The following ASAH1 variants were observed in gnomAD, a reference collection of about 807,000 sequenced individuals.
ASAH1 encodes N-acylsphingosine amidohydrolase 1.
A neutral mutation model predicts 59.5 loss-of-function variants in ASAH1; 70 were observed. The ratio of observed to expected loss-of-function variants is 1.18; its 90% CI spans 0.97 to 1.43. The LOEUF is 1.43. Among genes scored for constraint, ASAH1 ranks in the 40% most tolerant of loss-of-function variants. The pLI, the probability that ASAH1 is intolerant of heterozygous loss-of-function variation, is 0.00. For missense variants in ASAH1, 660 were observed against 482.5 expected, an observed-to-expected ratio of 1.37 and a Z score of -3.45; for synonymous variants, 213 against 166.5, an observed-to-expected ratio of 1.28 and a Z score of -2.15.
intron 5 of ASAH1, 76 bp downstream of exon 5, chr8:18,067,144 T>A: frequency 2.5e-6 from 3 of 1,223,776 alleles, no homozygotes; most frequent in Non-Finnish European, 2.3e-6. Context: ...CTGTGCTGTA[T>A]GTATATCACA....
At chr8:18,083,042 C>T (rs1203576726) in intron 1 of ASAH1, 1 of 151,952 alleles carries the variant, frequency 6.6e-6, no homozygotes, top group African/African-American at 2.4e-5. Context: ...AAATCATATC[C>T]CACCATGATT....
intron 4 of ASAH1, among the ~76,000 whole-genome samples, chr8:18,069,221 C>A (rs113007637): frequency 6.6e-6 from 1 of 151,808 alleles, no homozygotes; most frequent in African/African-American, 2.4e-5. Context: ...AATGAGGATC[C>A]CTTTAACAGT....
intron 10 of ASAH1, 88 bp from the exon 11 acceptor site, chr8:18,059,791 C>T: frequency 7.4e-7 from 1 of 1,344,588 alleles, no homozygotes; most frequent in Non-Finnish European, 1.0e-6. Flanking sequence ...ACTTTAAGTT[C>T]TGGGACACAT....
rs1211853952 is a variant in ASAH1, at chr8:18,062,326, C to A, written c.601G>T (p.Ala201Ser). Reference sequence around the variant, plus strand: ...CCCACATAGCCAGCAAAGCTTGAAGCCTTGAAGACAGTTTTGTTGTTTCTT... The same window carrying A: ...CCCACATAGCCAGCAAAGCTTGAAGACTTGAAGACAGTTTTGTTGTTTCTT... ...FQRNNKTVFK[A>S]SSFAGYVGML... Residue 201 changes from alanine to serine, a missense_variant, in exon 8 of 14, where the codon GCT becomes TCT. Transcript: ENST00000637790. The A allele has an allele frequency of 6.2e-7, 1 of 1,614,208 alleles. No homozygotes were observed. Among genetic ancestry groups the A allele is most frequent in the Non-Finnish European group, 8.5e-7 (1 of 1,180,032 alleles).
chr8:18,062,045 G>C lies in ASAH1; in HGVS notation c.648+234C>G, dbSNP rs538488252. 3.2e-5 allele frequency: 20 copies of C among 634,728 alleles called. No individual in the cohort carries two copies. The African/African-American group carries it at 3.7e-4, about 12-fold the overall frequency. 39.3% of individuals were successfully genotyped at this position (634,728 alleles called of 1,614,324 possible). On this transcript the variant is annotated intron_variant, in intron 8 of 13. Coordinates refer to ENST00000637790, the MANE Select transcript of ASAH1 (RefSeq NM_177924.5). ...ACTAGAAATCAGATTGTGACTCCCA[G>C]CCCTTGACACCCAGCCACATGCTCT...
chr8:18,082,123 G>C (rs1161024723), intron 1 of ASAH1, among the ~76,000 whole-genome samples: 1 of 152,132 alleles, frequency 6.6e-6, no homozygotes, highest in East Asian at 1.9e-4. Flanking sequence ...TATTTTTCCA[G>C]TTTCATTGAA....
intron 2 of ASAH1, 106 bp downstream of exon 2, chr8:18,075,435 A>G: frequency 8.3e-7 from 1 of 1,202,230 alleles, no homozygotes; most frequent in Non-Finnish European, 1.2e-6. Context: ...AATGGGAAAC[A>G]TGACTTAAGA....
rs890301207 is a variant in ASAH1 at position 18,079,289 on chromosome 8, C to CA, written c.79-3703dup. The stretch of plus-strand genomic sequence containing the variant: ...CTCCATCTCAGAAAAAAAAAAAAAA[C>CA]AAAAAACTCTCTGGAAAGTGCTTTT... On this transcript the variant is annotated intron_variant, in intron 1 of 13. Transcript: ENST00000637790. Among the ~76,000 whole-genome samples the CA allele has an allele frequency of 2.2e-5, 3 of 138,562 alleles. 1 individual carries two copies. The highest frequency in any genetic ancestry group is 7.3e-5 in the Admixed American group (1 of 13,760). The allele number at this position is 138,562 out of a possible 152,430, so 90.9% of individuals were successfully genotyped here. A position where few individuals can be genotyped will look rare whatever the true frequency, so the allele number is the denominator to read the frequency against.
At chr8:18,070,604 T>C (rs1001940379) in intron 3 of ASAH1, among the ~76,000 whole-genome samples, 4 of 152,184 alleles carry the variant, frequency 2.6e-5, no homozygotes, top group Non-Finnish European at 5.9e-5. Flanking sequence ...AATACATTAA[T>C]ACAGTAAGTC....
intron 5 of ASAH1, chr8:18,064,767 G>A (rs1344675331): frequency 6.3e-6 from 3 of 473,708 alleles, no homozygotes; most frequent in African/African-American, 5.8e-5. Context: ...TGGGCAGGTT[G>A]CAATTGTTCT....
At chr8:18,084,925 G>C, upstream of ASAH1, 1 of 1,402,656 alleles carries the variant, frequency 7.1e-7, no homozygotes. Context: ...GCCATCCGTG[G>C]ACACAGTCGC....
intron 1 of ASAH1, among the ~76,000 whole-genome samples, chr8:18,083,634 G>T (rs143523976): frequency 6.6e-6 from 1 of 152,328 alleles, no homozygotes; most frequent in Non-Finnish European, 1.5e-5. Context: ...AATGCACACA[G>T]GTCCACCGGA....
At chr8:18,074,447 G>A (rs1343387010) in intron 2 of ASAH1, among the ~76,000 whole-genome samples, 3 of 152,128 alleles carry the variant, frequency 2.0e-5, no homozygotes, top group African/African-American at 4.8e-5. Flanking sequence ...AAAATACATC[G>A]TTTAGACAAC....
intron 9 of ASAH1, 103 bp from the exon 10 acceptor site, chr8:18,061,561 G>A: frequency 1.4e-6 from 2 of 1,441,776 alleles, no homozygotes; most frequent in South Asian, 1.1e-5. Flanking sequence ...GGAACCAGAA[G>A]AGGTTAGACT....
intron 2 of ASAH1, 166 bp downstream of exon 2, chr8:18,075,375 C>A: frequency 1.3e-6 from 1 of 776,522 alleles, no homozygotes. Flanking sequence ...TGTCCAAGAT[C>A]TCAGCCAAAT....
chr8:18,075,019 A>G lies in ASAH1; in HGVS notation c.125+522T>C, dbSNP rs951781531. ...ATCCTTTCCTTTTTTTTTTTGAGAC[A>G]GAGTCTCACTCTGTCGCCCAGACTG... is the stretch of plus-strand genomic sequence containing the variant. On this transcript the variant is annotated intron_variant, in intron 2 of 13. Transcript: ENST00000637790. Among the ~76,000 whole-genome samples the G allele has an allele frequency of 5.7e-5, 7 of 123,288 alleles. 1 individual carries two copies. The South Asian group carries it at 1.3e-3, about 23-fold the overall frequency. 80.9% of individuals were successfully genotyped at this position (123,288 alleles called of 152,430 possible).
chr8:18,072,926 C>A (rs7387072), intron 2 of ASAH1, among the ~76,000 whole-genome samples: 4 of 151,934 alleles, frequency 2.6e-5, no homozygotes, highest in Admixed American at 2.6e-4. Context: ...TGCCTCTATA[C>A]CCGCCATAAA....
intron 7 of ASAH1, 70 bp downstream of exon 7, chr8:18,063,115 G>C: frequency 6.9e-7 from 1 of 1,441,696 alleles, no homozygotes; most frequent in South Asian, 1.1e-5. Context: ...TGATCCACCC[G>C]TGTCAGCCTC....
At chr8:18,084,134 G>A (rs1279853940), upstream of ASAH1, 5 of 1,576,014 alleles carry the variant, frequency 3.2e-6, no homozygotes, top group East Asian at 9.1e-5. Flanking sequence ...GGCAGGCCAC[G>A]CCCCCTCCGC....
Sources: gnomAD v4.1 joint callset for allele counts (sites outside exome capture counted in the v4.1 genomes callset) on GRCh38, gnomAD v4.1.1 for gene constraint, MANE v1.5 for transcripts, NCBI Gene and HGNC (gene_info 2026-07-23, HGNC 2026-07-21) for gene names.